Variants in NEK10 observed in about 807,000 individuals in gnomAD.
NEK10 encodes the protein serine/threonine-protein kinase Nek10.
NEK10 carries 122 observed loss-of-function variants against 159.8 expected under a neutral mutation model. The ratio of observed to expected loss-of-function variants is 0.76; its 90% CI spans 0.66 to 0.89. The LOEUF (loss-of-function observed/expected upper bound fraction) is 0.89, where lower values mean the gene tolerates loss of function less well. Among genes scored for constraint, NEK10 ranks in the 40% least tolerant of loss-of-function variants. NEK10 has a pLI of 0.00. For synonymous variants in NEK10, 466 were observed against 457.1 expected (o/e 1.02, Z -0.25); for missense variants, 1,342 against 1,323.1 (o/e 1.01, Z -0.22).
intron 23 of NEK10, among the ~76,000 whole-genome samples, chr3:27,232,896 T>C (rs1473730505): frequency 6.6e-6 from 1 of 152,048 alleles, no homozygotes; most frequent in African/African-American, 2.4e-5. Context: ...TCTCTCACCT[T>C]AAACAAAAAT....
At chr3:27,142,573 A>G (rs1293489747) in intron 30 of NEK10, among the ~76,000 whole-genome samples, 1 of 152,120 alleles carries the variant, frequency 6.6e-6, no homozygotes, top group Non-Finnish European at 1.5e-5. Flanking sequence ...ACATTGAGCT[A>G]CTATGAAGTT....
chr3:27,180,855 A>G (rs1948022401), intron 26 of NEK10, among the ~76,000 whole-genome samples: 1 of 152,090 alleles, frequency 6.6e-6, no homozygotes, highest in South Asian at 2.1e-4. Flanking sequence ...ATTCCTACTC[A>G]GCGGCCACCT....
chr3:27,316,582 A>C (rs1010425946), intron 6 of NEK10, among the ~76,000 whole-genome samples: 4 of 152,188 alleles, frequency 2.6e-5, no homozygotes, highest in African/African-American at 9.7e-5. Flanking sequence ...ATTCATCTGA[A>C]GCTTGGGAGT....
At chr3:27,337,983 T>C (rs993015570) in intron 5 of NEK10, among the ~76,000 whole-genome samples, 39 of 152,324 alleles carry the variant, frequency 2.6e-4, no homozygotes, top group African/African-American at 5.1e-4. Flanking sequence ...CTAAGGTACA[T>C]GTGCACAACG....
rs2042938916 is a variant in NEK10, at chr3:27,290,742, T to A, written c.1618A>T (p.Ser540Cys). The A allele has an allele frequency of 3.7e-6, 6 of 1,603,066 alleles. No homozygotes were observed. Among genetic ancestry groups the A allele is most frequent in the Non-Finnish European group, 5.1e-6 (6 of 1,174,832 alleles). Reference sequence around the variant, plus strand: ...TTCATTGCTAAAAGATTTTGACCACTATGCTTTCTAACCTAAAATAAAGAA... The same window carrying A: ...TTCATTGCTAAAAGATTTTGACCACAATGCTTTCTAACCTAAAATAAAGAA... The part of the protein sequence containing the change: ...FGCVYKVRKH[S>C]GQNLLAMKEV... Residue 540 changes from serine to cysteine, a missense_variant, in exon 19 of 36, where the codon AGT becomes TGT. Transcript: ENST00000691995.
intron 22 of NEK10, among the ~76,000 whole-genome samples, chr3:27,263,244 A>G (rs566708252): frequency 1.3e-5 from 2 of 152,340 alleles, no homozygotes; most frequent in African/African-American, 4.8e-5. Context: ...GGTGCCTCCC[A>G]GTTAGTCTAA....
intron 5 of NEK10, among the ~76,000 whole-genome samples, chr3:27,340,737 A>G (rs1265886265): frequency 6.6e-6 from 1 of 152,210 alleles, no homozygotes; most frequent in African/African-American, 2.4e-5. Flanking sequence ...GAGGGAACTC[A>G]TACACTGTTT....
chr3:27,237,744 C>T (rs13075192), intron 23 of NEK10, among the ~76,000 whole-genome samples: 29,800 of 151,924 alleles, frequency 0.2, 2,946 homozygotes, highest in Non-Finnish European at 0.22. Context: ...ACACTAAAGT[C>T]TCAGAAATCA....
chr3:27,247,940 G>A (rs1028485185), intron 23 of NEK10, among the ~76,000 whole-genome samples: 1 of 150,978 alleles, frequency 6.6e-6, no homozygotes, highest in African/African-American at 2.4e-5. Context: ...AGTTTGTGTA[G>A]GATTGGTATT....
intron 23 of NEK10, among the ~76,000 whole-genome samples, chr3:27,225,097 G>A (rs1264184530): frequency 1.3e-5 from 2 of 152,206 alleles, no homozygotes; most frequent in African/African-American, 2.4e-5. Flanking sequence ...GAGGAGCAAG[G>A]AGAGTCAGTC....
At chr3:27,335,933 A>G (rs941290666) in intron 5 of NEK10, among the ~76,000 whole-genome samples, 2 of 152,202 alleles carry the variant, frequency 1.3e-5, no homozygotes, top group South Asian at 2.1e-4. Context: ...AAACAATCTA[A>G]TAATACACCT....
intron 23 of NEK10, among the ~76,000 whole-genome samples, chr3:27,213,101 C>T (rs1160237273): frequency 6.6e-6 from 1 of 152,172 alleles, no homozygotes; most frequent in African/African-American, 2.4e-5. Context: ...CCCAGAAAAT[C>T]CTGTAACAGG....
At chr3:27,180,265 C>T (rs926867071) in intron 26 of NEK10, among the ~76,000 whole-genome samples, 4 of 151,608 alleles carry the variant, frequency 2.6e-5, no homozygotes, top group African/African-American at 7.3e-5. Flanking sequence ...CATGGTGGTG[C>T]GTGCCTATAA....
At chr3:27,309,375 C>T (rs932666248) in intron 9 of NEK10, 3 of 149,950 alleles carry the variant, frequency 2.0e-5, no homozygotes, top group Admixed American at 1.4e-4. Context: ...CCCTATCAAG[C>T]CTTATGCAGC....
intron 26 of NEK10, among the ~76,000 whole-genome samples, chr3:27,177,571 T>C (rs1019077979): frequency 6.6e-6 from 1 of 151,936 alleles, no homozygotes; most frequent in Non-Finnish European, 1.5e-5. Flanking sequence ...TATATATTTC[T>C]ATAACAATCC....
intron 23 of NEK10, among the ~76,000 whole-genome samples, chr3:27,223,126 T>G (rs1952284193): frequency 6.6e-6 from 1 of 152,182 alleles, no homozygotes; most frequent in African/African-American, 2.4e-5. Context: ...GTGCAGAAGC[T>G]CAACATGTAG....
chr3:27,283,353 C>T (rs948576655), intron 22 of NEK10, among the ~76,000 whole-genome samples: 4 of 152,032 alleles, frequency 2.6e-5, no homozygotes, highest in African/African-American at 9.7e-5. Context: ...ATATTAAGAC[C>T]TCTATTTTTA....
At chr3:27,297,369 A>C in intron 13 of NEK10, 129 bp from the exon 14 acceptor site, 1 of 608,074 alleles carries the variant, frequency 1.6e-6, no homozygotes, top group Middle Eastern at 4.0e-4. Flanking sequence ...TTCTCAAGAA[A>C]CACTAATTTT....
At chr3:27,146,668 T>C (rs1944324898) in intron 30 of NEK10, among the ~76,000 whole-genome samples, 1 of 152,352 alleles carries the variant, frequency 6.6e-6, no homozygotes, top group South Asian at 2.1e-4. Context: ...TGAAGAATCT[T>C]GAACTCATAA....
Sources: gnomAD v4.1 joint callset for allele counts (sites outside exome capture counted in the v4.1 genomes callset) on GRCh38, gnomAD v4.1.1 for gene constraint, MANE v1.5 for transcripts, NCBI Gene and HGNC (gene_info 2026-07-23, HGNC 2026-07-21) for gene names.